The following TCERG1L variants were observed in gnomAD, a reference collection of about 807,000 sequenced individuals.
TCERG1L encodes transcription elongation regulator 1-like protein.
A neutral mutation model predicts 56.3 loss-of-function variants in TCERG1L; 37 were observed. The ratio of observed to expected loss-of-function variants is 0.66; its 90% CI spans 0.51 to 0.87. The LOEUF is 0.87. Ranked by LOEUF, TCERG1L falls within the 40% of genes least tolerant of loss-of-function variation. TCERG1L has a pLI of 0.00. For missense variants in TCERG1L, 799 were observed against 774.2 expected (o/e 1.03, Z -0.38); for synonymous variants, 324 against 326.3 (o/e 0.99, Z 0.08).
intron 4 of TCERG1L, among the ~76,000 whole-genome samples, chr10:131,215,256 C>T (rs1380736063): frequency 2.6e-5 from 4 of 152,216 alleles, no homozygotes; most frequent in Admixed American, 2.0e-4. Flanking sequence ...ATTGAATCCA[C>T]GTCGCCCCAC....
chr10:131,270,752 G>A (rs1846331564), intron 3 of TCERG1L, among the ~76,000 whole-genome samples: 3 of 152,158 alleles, frequency 2.0e-5, no homozygotes. Flanking sequence ...CCACATGCAG[G>A]CAAATGTCCA....
chr10:131,251,557 G>A (rs188709395), intron 4 of TCERG1L, among the ~76,000 whole-genome samples: 2 of 152,158 alleles, frequency 1.3e-5, no homozygotes, highest in Non-Finnish European at 2.9e-5. Flanking sequence ...CCGGACTGCT[G>A]ATGTGGCCAG....
At chr10:131,100,819 T>C (rs1845297712) in intron 10 of TCERG1L, among the ~76,000 whole-genome samples, 1 of 152,222 alleles carries the variant, frequency 6.6e-6, no homozygotes, top group Admixed American at 6.5e-5. Context: ...AATAGGACTG[T>C]GGTCTTTGGA....
At chr10:131,171,214 G>A (rs1355476078) in intron 4 of TCERG1L, among the ~76,000 whole-genome samples, 3 of 148,410 alleles carry the variant, frequency 2.0e-5, no homozygotes, top group African/African-American at 7.4e-5. Context: ...AAAGAAAAGT[G>A]TGGAAAGAAA....
In TCERG1L at chr10:131,111,236, G is replaced by A. The variant is rs548123510; in HGVS notation, c.1395+5563C>T. Among the ~76,000 whole-genome samples, 17 of 142,732 alleles carry A rather than the reference G, an allele frequency of 1.2e-4. 2 individuals are homozygous for A. Among genetic ancestry groups the A allele is most frequent in the African/African-American group, 3.9e-4 (16 of 40,532 alleles). 93.6% of individuals were successfully genotyped at this position (142,732 alleles called of 152,430 possible). A position where few individuals can be genotyped will look rare whatever the true frequency, so the allele number is the denominator to read the frequency against. On this transcript the variant is annotated intron_variant, in intron 9 of 11. Coordinates refer to ENST00000368642, the MANE Select transcript of TCERG1L (RefSeq NM_174937.4). ...CACACTCACGTGCATCTGCAGAAAC[G>A]TGTGTCTGTCTGTCTGCACCGTCCG... is the stretch of plus-strand genomic sequence containing the variant.
At chr10:131,279,673 C>A (rs777907298) in intron 3 of TCERG1L, among the ~76,000 whole-genome samples, 2 of 152,202 alleles carry the variant, frequency 1.3e-5, no homozygotes, top group African/African-American at 2.4e-5. Flanking sequence ...TGGAGGAGCA[C>A]AGGCCACCCA....
At chr10:131,164,733 A>G (rs1846013544) in intron 5 of TCERG1L, among the ~76,000 whole-genome samples, 1 of 152,230 alleles carries the variant, frequency 6.6e-6, no homozygotes, top group African/African-American at 2.4e-5. Context: ...AAAAAAATTG[A>G]AAGTCATCCT....
intron 5 of TCERG1L, among the ~76,000 whole-genome samples, chr10:131,163,664 C>T (rs1262356114): frequency 2.0e-5 from 3 of 152,068 alleles, no homozygotes; most frequent in South Asian, 2.1e-4. Context: ...CGGGAGGAGG[C>T]AACAAACCCA....
chr10:131,136,630 G>A (rs565231777), intron 7 of TCERG1L, among the ~76,000 whole-genome samples: 1 of 152,018 alleles, frequency 6.6e-6, no homozygotes, highest in Non-Finnish European at 1.5e-5. Flanking sequence ...CGAGCAGCTG[G>A]AATCACAGGC....
chr10:131,215,416 A>C lies in TCERG1L; in HGVS notation c.856+44843T>G, dbSNP rs1845660311. Among the ~76,000 whole-genome samples the C allele has an allele frequency of 2.0e-5, 3 of 152,368 alleles. No homozygotes were observed. The East Asian group carries it at 5.8e-4, about 29-fold the overall frequency. Reference sequence around the variant, plus strand: ...TATTTAAATAGAAATGGAAATTTTCAATCCAATCCAGTTTGATTAAAATGG... The same window carrying C: ...TATTTAAATAGAAATGGAAATTTTCCATCCAATCCAGTTTGATTAAAATGG... On this transcript the variant is annotated intron_variant, in intron 4 of 11. Coordinates refer to ENST00000368642, the MANE Select transcript of TCERG1L (RefSeq NM_174937.4).
intron 8 of TCERG1L, among the ~76,000 whole-genome samples, chr10:131,131,557 T>C (rs1229419302): frequency 6.6e-6 from 1 of 152,180 alleles, no homozygotes; most frequent in Non-Finnish European, 1.5e-5. Context: ...TTTCAGTAAT[T>C]TGAATGCTTG....
At chr10:131,106,352 C>A (rs1845351578) in intron 9 of TCERG1L, among the ~76,000 whole-genome samples, 5 of 152,166 alleles carry the variant, frequency 3.3e-5, no homozygotes. Flanking sequence ...TGGGACCCAG[C>A]AAAGACCCAC....
At chr10:131,308,064 A>C in intron 3 of TCERG1L, 147 bp downstream of exon 3, 1 of 972,458 alleles carries the variant, frequency 1.0e-6, no homozygotes, top group South Asian at 2.0e-5. Context: ...AGTTTTTTTT[A>C]AAAAAGCTTC....
At chr10:131,249,659 T>C (rs1846084343) in intron 4 of TCERG1L, among the ~76,000 whole-genome samples, 1 of 152,236 alleles carries the variant, frequency 6.6e-6, no homozygotes, top group African/African-American at 2.4e-5. Flanking sequence ...GTGCAAACTT[T>C]CAAAATATAT....
At chr10:131,104,228 A>G (rs1028437467) in intron 10 of TCERG1L, 37 bp downstream of exon 10, 2 of 1,381,446 alleles carry the variant, frequency 1.4e-6, no homozygotes, top group African/African-American at 2.9e-5. Flanking sequence ...CTTTCATGCC[A>G]TGTCTCTGCA....
chr10:131,150,218 T>C (rs1037591620), intron 6 of TCERG1L, among the ~76,000 whole-genome samples: 1 of 10,796 alleles, frequency 9.3e-5, no homozygotes, highest in African/African-American at 1.2e-4. Flanking sequence ...GAGCACCATG[T>C]TTCTGGCAGG....
chr10:131,141,016 G>A (rs1417924466), intron 7 of TCERG1L, among the ~76,000 whole-genome samples: 1 of 152,178 alleles, frequency 6.6e-6, no homozygotes, highest in African/African-American at 2.4e-5. Flanking sequence ...AATTTGATGG[G>A]TGTGGAGTTT....
At position 131,248,083 on chromosome 10, in the gene TCERG1L, G is replaced by GCA. The variant is rs965824856; in HGVS notation, c.856+12174_856+12175dup. Among the ~76,000 whole-genome samples, 4 of 151,010 alleles carry GCA rather than the reference G, an allele frequency of 2.6e-5. No homozygotes were observed. The East Asian group carries it at 5.8e-4, about 22-fold the overall frequency. On this transcript the variant is annotated intron_variant, in intron 4 of 11. Transcript: ENST00000368642. ...ACCCACATACTCACATGACTCATATGCACACACACACATGCACACACATGA... is the reference window on the plus strand; with the variant it reads ...ACCCACATACTCACATGACTCATATGCACACACACACACATGCACACACATGA...
chr10:131,134,472 G>C (rs1371586498), intron 7 of TCERG1L, 24 bp from the exon 8 acceptor site: 11 of 1,569,950 alleles, frequency 7.0e-6, no homozygotes, highest in Middle Eastern at 3.3e-4. Flanking sequence ...AGATGAACAG[G>C]GTTAGAGTTG....
Sources: gnomAD v4.1 joint callset for allele counts (sites outside exome capture counted in the v4.1 genomes callset) on GRCh38, gnomAD v4.1.1 for gene constraint, MANE v1.5 for transcripts, NCBI Gene and HGNC (gene_info 2026-07-23, HGNC 2026-07-21) for gene names.